NXPE2: variants seen among roughly 807,000 people sequenced by gnomAD.
NXPE2 encodes neurexophilin and PC-esterase domain family member 2.
Under a neutral mutation model 34.4 loss-of-function variants are expected in NXPE2, and 34 were observed. That is an observed-to-expected ratio of 0.99 (90% CI 0.75 to 1.31). The LOEUF (loss-of-function observed/expected upper bound fraction) is 1.31, where lower values mean the gene tolerates loss of function less well. Ranked by LOEUF, NXPE2 falls within the 40% of genes most tolerant of loss-of-function variation. The probability of loss-of-function intolerance (pLI) is 0.00; values close to 1 mark genes in which losing one functional copy is unlikely to be tolerated. For missense variants in NXPE2, 649 were observed against 672.5 expected, an observed-to-expected ratio of 0.97 and a Z score of 0.39; for synonymous variants, 235 against 231.3, an observed-to-expected ratio of 1.02 and a Z score of -0.15.
the NXPE2 span, among the ~76,000 whole-genome samples, chr11:114,746,435 T>A: frequency 1.3e-5 from 2 of 152,152 alleles, no homozygotes; most frequent in Admixed American, 6.5e-5. Flanking sequence ...GAGAGATAAA[T>A]CATTCAAGGA....
the NXPE2 span, among the ~76,000 whole-genome samples, chr11:114,641,516 G>A: frequency 6.6e-6 from 1 of 152,052 alleles, no homozygotes; most frequent in African/African-American, 2.4e-5. Flanking sequence ...ATTATATTGA[G>A]AGGGAAATAT....
At chr11:114,689,933 T>C (rs997405641) in intron 2 of NXPE2, among the ~76,000 whole-genome samples, 1 of 152,070 alleles carries the variant, frequency 6.6e-6, no homozygotes, top group Non-Finnish European at 1.5e-5. Flanking sequence ...TTTCCGTTTG[T>C]GTCATAGATC....
chr11:114,583,124 C>A, the NXPE2 span: 1 of 1,253,234 alleles, frequency 8.0e-7, no homozygotes, highest in South Asian at 1.5e-5. Flanking sequence ...TGTTCCTAGT[C>A]ATTTTTACTT....
the NXPE2 span, among the ~76,000 whole-genome samples, chr11:114,657,590 G>T: frequency 6.6e-6 from 1 of 151,826 alleles, no homozygotes; most frequent in African/African-American, 2.4e-5. Flanking sequence ...TAATAGGAAG[G>T]ATGTATATTT....
At chr11:114,616,644 T>C in the NXPE2 span, among the ~76,000 whole-genome samples, 25 of 151,732 alleles carry the variant, frequency 1.6e-4, no homozygotes, top group East Asian at 4.6e-3. Context: ...TAATAAATGT[T>C]GCCTATTGGG....
chr11:114,516,500 T>C, the NXPE2 span, among the ~76,000 whole-genome samples: 1 of 152,202 alleles, frequency 6.6e-6, no homozygotes, highest in Non-Finnish European at 1.5e-5. Flanking sequence ...TTTAATACTA[T>C]GCTCTTGGTC....
the NXPE2 span, among the ~76,000 whole-genome samples, chr11:114,653,619 C>G: frequency 6.9e-6 from 1 of 144,594 alleles, no homozygotes; most frequent in South Asian, 2.2e-4. Context: ...GCTTCAACTT[C>G]TGGGTTCATG....
chr11:114,528,275 G>C, the NXPE2 span, among the ~76,000 whole-genome samples: 1 of 152,104 alleles, frequency 6.6e-6, no homozygotes, highest in East Asian at 1.9e-4. Context: ...GGTCATGCAA[G>C]TCTCAGTTTT....
the NXPE2 span, among the ~76,000 whole-genome samples, chr11:114,633,777 C>G: frequency 3.3e-5 from 5 of 152,010 alleles, no homozygotes; most frequent in African/African-American, 1.2e-4. Flanking sequence ...ATCCATGTCC[C>G]TAGAAAGGAT....
At chr11:114,483,352 C>T in the NXPE2 span, among the ~76,000 whole-genome samples, 200 of 152,210 alleles carry the variant, frequency 1.3e-3, 2 homozygotes, top group African/African-American at 4.5e-3. Context: ...AGGATTCTGG[C>T]GTTGTGTTCA....
chr11:114,527,851 G>A, the NXPE2 span: 7 of 1,606,230 alleles, frequency 4.4e-6, no homozygotes, highest in African/African-American at 2.7e-5. Context: ...GTTACAATTA[G>A]TGACATCAAT....
chr11:114,495,569 CA>C, the NXPE2 span, among the ~76,000 whole-genome samples: 1 of 151,744 alleles, frequency 6.6e-6, no homozygotes, highest in Non-Finnish European at 1.5e-5. Flanking sequence ...CTTCTTTCCT[CA>C]AGCAGAAGCA....
At chr11:114,538,514 T>C in the NXPE2 span, among the ~76,000 whole-genome samples, 6 of 151,982 alleles carry the variant, frequency 3.9e-5, no homozygotes, top group Non-Finnish European at 7.4e-5. Flanking sequence ...GGGAGAAAAT[T>C]TTTGCAACCT....
the NXPE2 span, among the ~76,000 whole-genome samples, chr11:114,636,226 T>C: frequency 1.3e-5 from 2 of 152,114 alleles, no homozygotes; most frequent in Non-Finnish European, 2.9e-5. Context: ...ATCCATTTTT[T>C]CTAGATTCTC....
the NXPE2 span, chr11:114,582,550 C>A: frequency 6.2e-7 from 1 of 1,614,172 alleles, no homozygotes; most frequent in Non-Finnish European, 8.5e-7. Flanking sequence ...CTCCAGAGAG[C>A]TGACACCCCT....
the NXPE2 span, among the ~76,000 whole-genome samples, chr11:114,812,387 A>G: frequency 4.6e-5 from 7 of 152,240 alleles, no homozygotes; most frequent in African/African-American, 1.7e-4. Flanking sequence ...CAACTTTCTA[A>G]TAATTAGAAT....
At chr11:114,657,705 A>G in the NXPE2 span, among the ~76,000 whole-genome samples, 1 of 152,172 alleles carries the variant, frequency 6.6e-6, no homozygotes, top group African/African-American at 2.4e-5. Flanking sequence ...GTTTTGAGAA[A>G]TAGTCCATAG....
the NXPE2 span, among the ~76,000 whole-genome samples, chr11:114,740,644 G>T: frequency 1.3e-5 from 2 of 152,230 alleles, no homozygotes; most frequent in African/African-American, 4.8e-5. Flanking sequence ...GCATTCTGCT[G>T]CTGTTGAATC....
the NXPE2 span, among the ~76,000 whole-genome samples, chr11:114,618,222 G>A: frequency 4.0e-5 from 6 of 151,738 alleles, no homozygotes; most frequent in Non-Finnish European, 8.8e-5. Context: ...ACTGTTACCC[G>A]GAGGATAATA....
Sources: allele counts gnomAD v4.1 joint callset (sites outside exome capture counted in the v4.1 genomes callset), GRCh38; gene constraint gnomAD v4.1.1; transcripts MANE v1.5; gene names NCBI Gene and HGNC (gene_info 2026-07-23, HGNC 2026-07-21).